Variants in RBBP6 observed in about 807,000 individuals in gnomAD.
The protein encoded by RBBP6 is E3 ubiquitin-protein ligase RBBP6.
In RBBP6, 25 loss-of-function variants were observed where a neutral mutation model predicts 167.7. The observed-to-expected ratio is 0.15, with a 90% confidence interval of 0.11 to 0.21. RBBP6 has a LOEUF of 0.21. Ranked by LOEUF, RBBP6 falls within the 10% of genes least tolerant of loss-of-function variation. RBBP6 has a pLI of 1.00. For missense variants in RBBP6, 1,868 were observed against 2,134.2 expected, an observed-to-expected ratio of 0.88 and a Z score of 2.46; for synonymous variants, 789 against 735.8, an observed-to-expected ratio of 1.07 and a Z score of -1.17.
At chr16:24,558,363 C>A in intron 7 of RBBP6, 1 of 573,344 alleles carries the variant, frequency 1.7e-6, no homozygotes, top group Non-Finnish European at 2.2e-6. Flanking sequence ...CTTTTTCTAT[C>A]CTCTGTTCTC....
chr16:24,559,007 C>G (rs753264163), intron 7 of RBBP6, among the ~76,000 whole-genome samples: 1 of 152,100 alleles, frequency 6.6e-6, no homozygotes, highest in Non-Finnish European at 1.5e-5. Context: ...ATTTTAATTT[C>G]CCGTCTTGTG....
At position 24,563,306 on chromosome 16, in the gene RBBP6, C is replaced by T; in HGVS notation, c.1386+11C>T. On this transcript the variant is annotated intron_variant, in intron 11 of 17. Transcript: ENST00000319715. ...CTTATGGAAGAGAAGGTAAATTTTA[C>T]TGGTGCTTTAATTTGGGATTTTTTT... The T allele has an allele frequency of 6.3e-7, 1 of 1,597,406 alleles. No homozygotes were observed. The highest frequency in any genetic ancestry group is 8.5e-7 in the Non-Finnish European group (1 of 1,171,812).
intron 2 of RBBP6, among the ~76,000 whole-genome samples, chr16:24,546,559 A>C (rs943183686): frequency 6.6e-6 from 1 of 152,162 alleles, no homozygotes; most frequent in Non-Finnish European, 1.5e-5. Context: ...TTCTTTGACT[A>C]CTTTTTTTTG....
At chr16:24,564,089 G>A (rs1596510649) in intron 13 of RBBP6, among the ~76,000 whole-genome samples, 1 of 151,828 alleles carries the variant, frequency 6.6e-6, no homozygotes, top group African/African-American at 2.4e-5. Context: ...TAAGATTAAC[G>A]TCTACCAAAC....
chr16:24,547,128 T>C (rs747606697), intron 2 of RBBP6, among the ~76,000 whole-genome samples: 1 of 152,208 alleles, frequency 6.6e-6, no homozygotes, highest in Non-Finnish European at 1.5e-5. Flanking sequence ...TTGGAACAAA[T>C]TATTTTGAGT....
intron 2 of RBBP6, among the ~76,000 whole-genome samples, chr16:24,547,231 CAT>C (rs1404749262): frequency 1.3e-5 from 2 of 152,156 alleles, no homozygotes; most frequent in African/African-American, 4.8e-5. Context: ...AGCTTTACCT[CAT>C]ATGGGCAAGT....
chr16:24,570,641 TGAA>T, intron 17 of RBBP6, 142 bp downstream of exon 17: 1 of 890,630 alleles, frequency 1.1e-6, no homozygotes, highest in Non-Finnish European at 1.6e-6. Flanking sequence ...TTGTTGTCTT[TGAA>T]GAAGGGAATT....
chr16:24,549,365 CTT>C, intron 3 of RBBP6: 2 of 1,032,372 alleles, frequency 1.9e-6, no homozygotes, highest in Non-Finnish European at 2.3e-6. Context: ...CTGTTGTGTG[CTT>C]TTTGTTTCTT....
Position 24,571,319 on chromosome 16 carries a change from A to G in RBBP6, c.4253A>G (p.Lys1418Arg), listed in dbSNP as rs749811274. ...GTGTTGGAAAAGGAGAACCCTGAAA[A>G]GAGGAAGAACAGCACTCAGCCAGAG... is the stretch of plus-strand genomic sequence containing the variant. ...YSVLEKENPE[K>R]RKNSTQPEKE... The change falls in exon 18 of 18, where the codon AAG (lysine) becomes AGG (arginine). Residue 1418 changes from lysine (K) to arginine (R), a missense_variant. Transcript: ENST00000319715. 3 of 1,614,140 alleles carry G rather than the reference A, an allele frequency of 1.9e-6. No individual in the cohort carries two copies. Among genetic ancestry groups the G allele is most frequent in the Non-Finnish European group, 2.5e-6 (3 of 1,180,018 alleles).
At chr16:24,560,173 A>G (rs144793020) in intron 8 of RBBP6, among the ~76,000 whole-genome samples, 70 of 139,318 alleles carry the variant, frequency 5.0e-4, no homozygotes, top group African/African-American at 1.9e-3. Context: ...GCAGTGGTGT[A>G]ATCTCGGCTC....
chr16:24,551,883 C>T (rs1482221431), intron 3 of RBBP6, among the ~76,000 whole-genome samples: 3 of 151,680 alleles, frequency 2.0e-5, no homozygotes, highest in African/African-American at 7.2e-5. Flanking sequence ...AATCAAGTAA[C>T]TTCTGGTTGG....
intron 3 of RBBP6, among the ~76,000 whole-genome samples, chr16:24,551,551 T>C (rs1326466313): frequency 6.6e-6 from 1 of 151,810 alleles, no homozygotes; most frequent in East Asian, 1.9e-4. Flanking sequence ...TGCAGTTGCA[T>C]ATCTAAAACC....
chr16:24,549,419 G>A (rs181490376), intron 3 of RBBP6: 95 of 971,596 alleles, frequency 9.8e-5, no homozygotes, highest in Middle Eastern at 5.2e-4. Context: ...CCATTTTCAC[G>A]TTGTATCACT....
chr16:24,556,324 C>T lies in RBBP6; in HGVS notation c.551C>T (p.Ser184Phe). ...CPTNGDKNFE[S>F]GPRIKKSTGI... ...TCTGAATAGGATAAAAACTTTGAAT[C>T]TGGTCCTAGGATTAAAAAGAGCACT... is the stretch of plus-strand genomic sequence containing the variant. Residue 184 changes from serine to phenylalanine, a missense_variant, in exon 7 of 18, where the codon TCT (serine) becomes TTT (phenylalanine). This residue lies in a region of RBBP6 where 184 missense variants were observed against 327.7 expected (regional missense o/e 0.56). Transcript: ENST00000319715. The T allele has an allele frequency of 6.3e-7, 1 of 1,595,362 alleles. No homozygotes were observed. Among genetic ancestry groups the T allele is most frequent in the Non-Finnish European group, 8.6e-7 (1 of 1,163,702 alleles).
At chr16:24,568,710 CTCAACTA>C (rs768882963) in intron 16 of RBBP6, 28 bp from the exon 17 acceptor site, 2 of 1,565,932 alleles carry the variant, frequency 1.3e-6, no homozygotes, top group Non-Finnish European at 1.7e-6. Context: ...GTATGTATTT[CTCAACTA>C]TCAACTATTG....
At chr16:24,566,790 C>A (rs1899205739) in intron 14 of RBBP6, among the ~76,000 whole-genome samples, 1 of 152,120 alleles carries the variant, frequency 6.6e-6, no homozygotes, top group African/African-American at 2.4e-5. Flanking sequence ...AGAGCTAGGT[C>A]ATAGCAGCAT....
At position 24,562,055 on chromosome 16, in the gene RBBP6, G is replaced by T. The variant is rs1339309833; in HGVS notation, c.1183G>T (p.Ala395Ser). Residue 395 changes from alanine (A) to serine (S), a missense_variant, in exon 10 of 18, where the codon GCC becomes TCC. Coordinates refer to ENST00000319715, the MANE Select transcript of RBBP6 (RefSeq NM_006910.5). ...ATTAACTTCTAATCAGTCTTCCTTG[G>T]CCCCTCCTGTGTCTGGAAATCCGTC... ...SSLTSNQSSLAPPVSGNPSSA... is the reference protein window; with the variant it reads ...SSLTSNQSSLSPPVSGNPSSA... 2 of 1,612,688 alleles carry T rather than the reference G, an allele frequency of 1.2e-6. No individual in the cohort carries two copies. Among genetic ancestry groups the T allele is most frequent in the Non-Finnish European group, 1.7e-6 (2 of 1,178,830 alleles).
Position 24,569,677 on chromosome 16 carries a change from T to C in RBBP6, c.2987T>C (p.Ile996Thr), listed in dbSNP as rs1170630736. 1.9e-6 allele frequency: 3 copies of C among 1,613,592 alleles called. No individual in the cohort carries two copies. Among genetic ancestry groups the C allele is most frequent in the African/African-American group, 2.7e-5 (2 of 74,892 alleles). The change falls in exon 17 of 18, where the codon ATC (isoleucine) becomes ACC (threonine). Residue 996 changes from isoleucine (I) to threonine (T), a missense_variant. Ile to Thr is a moderately conservative substitution (Grantham distance 89). This residue lies in a region of RBBP6 where 673 missense variants were observed against 691.5 expected (regional missense o/e 0.97). Coordinates refer to ENST00000319715, the MANE Select transcript of RBBP6 (RefSeq NM_006910.5). ...VRDEPMDAES[I>T]TFKSVSEKDK... ...GATGAACCAATGGATGCAGAATCAA[T>C]CACTTTTAAATCAGTGTCTGAAAAA...
chr16:24,544,799 C>T (rs1459548997), intron 1 of RBBP6, among the ~76,000 whole-genome samples: 1 of 152,168 alleles, frequency 6.6e-6, no homozygotes, highest in African/African-American at 2.4e-5. Context: ...TCTTCTCCCT[C>T]TTGGTTTTCC....
Sources: allele counts gnomAD v4.1 joint callset (sites outside exome capture counted in the v4.1 genomes callset), GRCh38; gene constraint gnomAD v4.1.1; regional missense constraint gnomAD v4.1.1; transcripts MANE v1.5; gene names NCBI Gene and HGNC (gene_info 2026-07-23, HGNC 2026-07-21).